Variants in COL4A2 observed in about 807,000 individuals in gnomAD.
COL4A2 encodes the protein collagen type IV alpha 2 chain, also known as collagen alpha-2(IV) chain.
Under a neutral mutation model 200.2 loss-of-function variants are expected in COL4A2, and 99 were observed. That is an observed-to-expected ratio of 0.49 (90% CI 0.42 to 0.58). COL4A2 has a LOEUF of 0.58. Ranked by LOEUF, COL4A2 falls within the 20% of genes least tolerant of loss-of-function variation. COL4A2 has a pLI of 0.00. For missense variants in COL4A2, 1,950 were observed against 2,314.1 expected, an observed-to-expected ratio of 0.84 and a Z score of 3.23; for synonymous variants, 897 against 900.6, an observed-to-expected ratio of 1.00 and a Z score of 0.07.
intron 3 of COL4A2, among the ~76,000 whole-genome samples, chr13:110,323,396 G>A (rs889945541): frequency 1.3e-5 from 2 of 152,084 alleles, no homozygotes; most frequent in Admixed American, 1.3e-4. Flanking sequence ...CGGGATGAGG[G>A]CCCCCCCTGT....
At chr13:110,470,613 T>C (rs947993963) in intron 28 of COL4A2, among the ~76,000 whole-genome samples, 1 of 152,170 alleles carries the variant, frequency 6.6e-6, no homozygotes, top group African/African-American at 2.4e-5. Flanking sequence ...CCCCCACTTA[T>C]CAGGATTCTT....
intron 3 of COL4A2, among the ~76,000 whole-genome samples, chr13:110,347,715 A>C (rs1876771298): frequency 1.3e-5 from 2 of 152,250 alleles, no homozygotes. Flanking sequence ...TCAGGACCCA[A>C]GCTCCAGCAC....
At chr13:110,455,522 G>A (rs1881696322) in intron 20 of COL4A2, among the ~76,000 whole-genome samples, 1 of 152,166 alleles carries the variant, frequency 6.6e-6, no homozygotes, top group South Asian at 2.1e-4. Flanking sequence ...CCGCATTAGT[G>A]TGTTTCCTGC....
chr13:110,405,422 T>TACACC (rs1879526957), intron 4 of COL4A2, among the ~76,000 whole-genome samples: 1 of 152,136 alleles, frequency 6.6e-6, no homozygotes, highest in Non-Finnish European at 1.5e-5. Flanking sequence ...GGTCCCGGTG[T>TACACC]GGGACCCACC....
intron 36 of COL4A2, among the ~76,000 whole-genome samples, chr13:110,490,228 C>T (rs900834433): frequency 2.0e-5 from 3 of 152,232 alleles, no homozygotes; most frequent in East Asian, 1.9e-4. Flanking sequence ...CTGACCAGCC[C>T]GAGCGAGTTG....
chr13:110,417,033 T>C (rs574709486), intron 4 of COL4A2, among the ~76,000 whole-genome samples: 5 of 151,390 alleles, frequency 3.3e-5, no homozygotes, highest in Admixed American at 3.3e-4. Flanking sequence ...CAGGCTGGAG[T>C]GCAGTGGCAC....
chr13:110,470,080 G>GA (rs1275250618), intron 28 of COL4A2, among the ~76,000 whole-genome samples: 1 of 151,910 alleles, frequency 6.6e-6, no homozygotes, highest in Non-Finnish European at 1.5e-5. Context: ...ACACCTGGCT[G>GA]ATTTTTGTAT....
At chr13:110,353,560 A>G (rs7338944) in intron 3 of COL4A2, among the ~76,000 whole-genome samples, 25,793 of 152,078 alleles carry the variant, frequency 0.17, 6,750 homozygotes, top group African/African-American at 0.56. Context: ...TGTTTCAGAG[A>G]CCCATGTCTT....
At chr13:110,432,049 CAG>C (rs577418918) in intron 10 of COL4A2, among the ~76,000 whole-genome samples, 134 of 152,314 alleles carry the variant, frequency 8.8e-4, no homozygotes, top group African/African-American at 2.9e-3. Context: ...AGAACAAACA[CAG>C]AGAGGACATG....
At chr13:110,340,716 A>G (rs1876409621) in intron 3 of COL4A2, among the ~76,000 whole-genome samples, 1 of 152,184 alleles carries the variant, frequency 6.6e-6, no homozygotes, top group South Asian at 2.1e-4. Flanking sequence ...GCACAGGGAC[A>G]GAGAGTCTTT....
chr13:110,453,456 G>A (rs1029295553), intron 20 of COL4A2, among the ~76,000 whole-genome samples: 4 of 152,028 alleles, frequency 2.6e-5, no homozygotes, highest in African/African-American at 7.2e-5. Flanking sequence ...AGCCAAGACC[G>A]CACCTTTGCA....
chr13:110,481,588 C>T (rs112259136), intron 31 of COL4A2, among the ~76,000 whole-genome samples: 223 of 80,026 alleles, frequency 2.8e-3, no homozygotes, highest in South Asian at 4.5e-3. Flanking sequence ...TGTTCTGTCC[C>T]TCCGTTGCTG....
At chr13:110,437,454 A>G (rs1880935814) in intron 13 of COL4A2, among the ~76,000 whole-genome samples, 1 of 152,216 alleles carries the variant, frequency 6.6e-6, no homozygotes, top group Non-Finnish European at 1.5e-5. Flanking sequence ...ACCCTCAGAA[A>G]TGACGGGGAC....
intron 3 of COL4A2, among the ~76,000 whole-genome samples, chr13:110,319,737 A>G (rs978374697): frequency 5.3e-5 from 8 of 152,204 alleles, no homozygotes; most frequent in Admixed American, 4.6e-4. Context: ...TTCAAGACCA[A>G]GTAGGGACCT....
chr13:110,450,550 C>A, intron 20 of COL4A2, 96 bp downstream of exon 20: 1 of 1,436,840 alleles, frequency 7.0e-7, no homozygotes, highest in Non-Finnish European at 9.5e-7. Context: ...CTAAATGACT[C>A]TGGGAACGAA....
intron 16 of COL4A2, among the ~76,000 whole-genome samples, chr13:110,445,456 A>C (rs756683273): frequency 6.6e-6 from 1 of 152,222 alleles, no homozygotes; most frequent in Non-Finnish European, 1.5e-5. Context: ...CAGATTGTAC[A>C]ACACCACGGG....
chr13:110,436,295 C>T lies in COL4A2; in HGVS notation c.753C>T (p.Asn251=), dbSNP rs763026854. 6.2e-6 allele frequency: 10 copies of T among 1,613,828 alleles called. No individual in the cohort carries two copies. The highest frequency in any genetic ancestry group is 1.3e-5 in the African/African-American group (1 of 74,828). The change falls in exon 13 of 48, where the codon AAC becomes AAT. Residue 251 remains asparagine, a synonymous_variant. Transcript: ENST00000360467. ...GTGACGTAGGGCAGCCGGGACCCAA[C>T]GGGATTCCATCAGACACCCTCCACC... The part of the protein sequence containing the change: ...EKGDVGQPGP[N]GIPSDTLHPI...
intron 17 of COL4A2, 97 bp downstream of exon 17, chr13:110,445,979 G>A: frequency 1.5e-6 from 2 of 1,372,394 alleles, no homozygotes; most frequent in Non-Finnish European, 1.0e-6. Context: ...GGCATCCCCT[G>A]CCCTAAAAAG....
intron 16 of COL4A2, among the ~76,000 whole-genome samples, chr13:110,443,809 T>G (rs547926251): frequency 4.7e-4 from 71 of 152,274 alleles, no homozygotes; most frequent in Non-Finnish European, 8.2e-4. Context: ...CCAGCCTGAC[T>G]CTGGGAGCGC....
Sources: allele counts gnomAD v4.1 joint callset (sites outside exome capture counted in the v4.1 genomes callset), GRCh38; gene constraint gnomAD v4.1.1; transcripts MANE v1.5; gene names NCBI Gene and HGNC (gene_info 2026-07-23, HGNC 2026-07-21).